Variants in EPCAM observed in about 807,000 individuals in gnomAD.
EPCAM encodes epithelial cell adhesion molecule.
In EPCAM, 39 loss-of-function variants were observed where a neutral mutation model predicts 40.0. The ratio of observed to expected loss-of-function variants is 0.98; its 90% CI spans 0.76 to 1.27. The LOEUF is 1.27. Ranked by LOEUF, EPCAM falls within the 50% of genes most tolerant of loss-of-function variation. EPCAM has a pLI of 0.00. For missense variants in EPCAM, 503 were observed against 381.2 expected, an observed-to-expected ratio of 1.32 and a Z score of -2.66; for synonymous variants, 168 against 132.3, an observed-to-expected ratio of 1.27 and a Z score of -1.85.
At chr2:47,380,534 G>A (rs1671558815) in intron 7 of EPCAM, among the ~76,000 whole-genome samples, 1 of 152,158 alleles carries the variant, frequency 6.6e-6, no homozygotes, top group Non-Finnish European at 1.5e-5. Flanking sequence ...CCATCTAGCA[G>A]CAAGCGTCTT....
chr2:47,385,627 T>C (rs1671724311), intron 8 of EPCAM, among the ~76,000 whole-genome samples: 1 of 152,240 alleles, frequency 6.6e-6, no homozygotes, highest in African/African-American at 2.4e-5. Context: ...TCTATACTAG[T>C]GTGACATCAA....
At chr2:47,374,665 G>A (rs1429158520) in intron 3 of EPCAM, among the ~76,000 whole-genome samples, 1 of 150,448 alleles carries the variant, frequency 6.6e-6, no homozygotes, top group African/African-American at 2.5e-5. Context: ...TTTTCGAGAT[G>A]GAATTTCCAC....
At chr2:47,373,231 A>AC (rs1671326735) in intron 1 of EPCAM, among the ~76,000 whole-genome samples, 4 of 137,330 alleles carry the variant, frequency 2.9e-5, no homozygotes, top group East Asian at 2.3e-4. Flanking sequence ...AAAAAAAAAA[A>AC]AAAACAGGAA....
intron 7 of EPCAM, among the ~76,000 whole-genome samples, chr2:47,380,206 C>T (rs1671552054): frequency 6.6e-6 from 1 of 151,940 alleles, no homozygotes; most frequent in African/African-American, 2.4e-5. Flanking sequence ...GTCCCATCTA[C>T]TTAGGAGGCT....
chr2:47,371,689 C>T (rs1671275125), intron 1 of EPCAM, among the ~76,000 whole-genome samples: 1 of 152,168 alleles, frequency 6.6e-6, no homozygotes, highest in South Asian at 2.1e-4. Flanking sequence ...AAATTTTACG[C>T]CCCTTAGGTA....
chr2:47,378,494 G>C (rs1341253092), intron 5 of EPCAM, among the ~76,000 whole-genome samples: 2 of 151,750 alleles, frequency 1.3e-5, no homozygotes, highest in Non-Finnish European at 2.9e-5. Flanking sequence ...TAGAGATGGG[G>C]TTTCTCCATG....
intron 7 of EPCAM, among the ~76,000 whole-genome samples, chr2:47,380,556 T>C (rs1356518590): frequency 1.3e-5 from 2 of 152,170 alleles, no homozygotes; most frequent in Non-Finnish European, 2.9e-5. Context: ...CAGTTGTCAC[T>C]GCAAACAATT....
intron 7 of EPCAM, among the ~76,000 whole-genome samples, chr2:47,382,049 T>G (rs1382196833): frequency 6.6e-6 from 1 of 152,188 alleles, no homozygotes; most frequent in Non-Finnish European, 1.5e-5. Flanking sequence ...ATTACAGGCA[T>G]GAGCCATTGC....
chr2:47,372,474 C>A (rs1284536558), intron 1 of EPCAM, among the ~76,000 whole-genome samples: 3 of 151,134 alleles, frequency 2.0e-5, no homozygotes, highest in South Asian at 2.1e-4. Context: ...CCCGTCTCTA[C>A]TAAAAATAGA....
At chr2:47,380,669 G>A (rs557124756) in intron 7 of EPCAM, among the ~76,000 whole-genome samples, 2 of 152,304 alleles carry the variant, frequency 1.3e-5, no homozygotes, top group Non-Finnish European at 2.9e-5. Flanking sequence ...AAAGTGATAT[G>A]TGAATCAATA....
intron 7 of EPCAM, among the ~76,000 whole-genome samples, chr2:47,384,653 A>G (rs1485201208): frequency 6.6e-6 from 1 of 151,528 alleles, no homozygotes. Context: ...CCTGACCTCA[A>G]GTGATCCGCC....
intron 7 of EPCAM, among the ~76,000 whole-genome samples, chr2:47,380,506 C>T (rs904674392): frequency 6.6e-6 from 1 of 152,142 alleles, no homozygotes; most frequent in South Asian, 2.1e-4. Flanking sequence ...CTGTGCACCT[C>T]ACAGGCCAGT....
intron 5 of EPCAM, 41 bp from the exon 6 acceptor site, chr2:47,378,912 T>C (rs766154680): frequency 2.3e-6 from 2 of 858,606 alleles, no homozygotes; most frequent in Admixed American, 3.4e-5. Flanking sequence ...TGATTTTGAT[T>C]ATATTAGTAT....
At chr2:47,381,643 A>G (rs890659965) in intron 7 of EPCAM, among the ~76,000 whole-genome samples, 1 of 152,208 alleles carries the variant, frequency 6.6e-6, no homozygotes, top group Non-Finnish European at 1.5e-5. Context: ...AGACATTTAC[A>G]TATTTAAAAA....
Position 47,374,026 on chromosome 2 carries a change from T to C in EPCAM, c.403T>C (p.Cys135Arg), listed in dbSNP as rs1339957116. The change falls in exon 3 of 9, where the codon TGC (cysteine) becomes CGC (arginine). Residue 135 changes from cysteine to arginine, a missense_variant. Coordinates refer to ENST00000263735, the MANE Select transcript of EPCAM (RefSeq NM_002354.3). ...AACAGACAAGGACACTGAAATAACC[T>C]GCTCTGAGCGAGTGAGAACCTAGTG... Reference protein sequence around the residue: ...RRTDKDTEITCSERVRTYWII... With the variant: ...RRTDKDTEITRSERVRTYWII... 6.2e-7 allele frequency: 1 copy of C among 1,614,128 alleles called. No individual in the cohort carries two copies. The highest frequency in any genetic ancestry group is 1.3e-5 in the African/African-American group (1 of 74,950).
intron 7 of EPCAM, among the ~76,000 whole-genome samples, chr2:47,382,969 A>T (rs1045320252): frequency 2.6e-5 from 4 of 151,782 alleles, no homozygotes; most frequent in Non-Finnish European, 5.9e-5. Flanking sequence ...ATGTGGAAGA[A>T]TGCACACCAA....
At position 47,386,556 on chromosome 2, in the gene EPCAM, C is replaced by G. The variant is rs756223075; in HGVS notation, c.904-16C>G. On this transcript the variant is annotated splice_polypyrimidine_tract_variant and intron_variant, in intron 8 of 8. Transcript: ENST00000263735. ...AAATTATTTAGAATTTTTTTCTGTG[C>G]TTTTTCCTGTTTCAGATAAAGGAGA... 1 of 1,587,650 alleles carries G rather than the reference C, an allele frequency of 6.3e-7. No individual in the cohort carries two copies.
At chr2:47,379,351 C>G (rs1558438272) in intron 6 of EPCAM, among the ~76,000 whole-genome samples, 1 of 152,024 alleles carries the variant, frequency 6.6e-6, no homozygotes, top group African/African-American at 2.4e-5. Flanking sequence ...ATAATTTACA[C>G]AAATAAAAGT....
chr2:47,374,357 G>T (rs2103748679), intron 3 of EPCAM, among the ~76,000 whole-genome samples: 1 of 152,200 alleles, frequency 6.6e-6, no homozygotes, highest in Admixed American at 6.6e-5. Context: ...ACATTATTCA[G>T]TATTTCATTG....
Sources: gnomAD v4.1 joint callset for allele counts (sites outside exome capture counted in the v4.1 genomes callset) on GRCh38, gnomAD v4.1.1 for gene constraint, MANE v1.5 for transcripts, NCBI Gene and HGNC (gene_info 2026-07-23, HGNC 2026-07-21) for gene names.